TRPS1: variants seen among roughly 807,000 people sequenced by gnomAD.
TRPS1 encodes transcriptional repressor GATA binding 1.
TRPS1 carries 6 observed loss-of-function variants against 101.2 expected under a neutral mutation model. That is an observed-to-expected ratio of 0.06 (90% confidence interval 0.03 to 0.12). The LOEUF is 0.12. TRPS1 is among the 10% of genes least tolerant of loss of function. TRPS1 has a pLI of 1.00. For synonymous variants in TRPS1, 578 were observed against 589.8 expected (o/e 0.98, Z 0.29); for missense variants, 1,363 against 1,567.0 (o/e 0.87, Z 2.20).
At chr8:115,609,398 C>T (rs1233245311) in intron 3 of TRPS1, among the ~76,000 whole-genome samples, 2 of 152,210 alleles carry the variant, frequency 1.3e-5, no homozygotes, top group East Asian at 3.8e-4. Context: ...GATAATACTT[C>T]TGTTTATATT....
At chr8:115,648,916 G>A (rs1811494126) in intron 1 of TRPS1, among the ~76,000 whole-genome samples, 1 of 151,910 alleles carries the variant, frequency 6.6e-6, no homozygotes, top group South Asian at 2.1e-4. Flanking sequence ...ACTCCATGTG[G>A]AGCAGGGGTA....
intron 5 of TRPS1, among the ~76,000 whole-genome samples, chr8:115,528,022 C>G (rs917302861): frequency 5.9e-5 from 9 of 152,096 alleles, no homozygotes; most frequent in Admixed American, 2.0e-4. Context: ...TCATATATCC[C>G]AAATGGAGAA....
chr8:115,522,244 TC>T (rs1468445887), intron 5 of TRPS1, among the ~76,000 whole-genome samples: 1 of 151,958 alleles, frequency 6.6e-6, no homozygotes, highest in African/African-American at 2.4e-5. Flanking sequence ...AAGTGTAATA[TC>T]AATGAGTATG....
intron 5 of TRPS1, among the ~76,000 whole-genome samples, chr8:115,424,765 T>C (rs1382463484): frequency 6.6e-6 from 1 of 152,248 alleles, no homozygotes; most frequent in African/African-American, 2.4e-5. Context: ...TTCACATTAG[T>C]AATAATGTCC....
Position 115,619,229 on chromosome 8 carries a change from T to C in TRPS1, c.869A>G (p.Lys290Arg). The change falls in exon 3 of 7, where the codon AAA becomes AGA. Residue 290 changes from lysine (K) to arginine (R), a missense_variant. By Grantham distance (26) the Lys-to-Arg change is conservative. Coordinates refer to ENST00000395715, the MANE Select transcript of TRPS1 (RefSeq NM_014112.5). ...AGAACGGTTGACCTTCTGGAAGTCTTTGGAATGGCTGAACTGCACCATGTT... is the reference window on the plus strand; with the variant it reads ...AGAACGGTTGACCTTCTGGAAGTCTCTGGAATGGCTGAACTGCACCATGTT... The part of the protein sequence containing the change: ...LHNMVQFSHS[K>R]DFQKVNRSVF... 6.2e-7 allele frequency: 1 copy of C among 1,614,148 alleles called. No homozygotes were observed. Among genetic ancestry groups the C allele is most frequent in the African/African-American group, 1.3e-5 (1 of 75,040 alleles).
chr8:115,619,700 C>A lies in TRPS1; in HGVS notation c.398G>T (p.Gly133Val). ...MLAFSSPAAG[G>V]VCEPLKSPQR... ...CGGAGACTTCAAGGGCTCACAGACTCCCCCAGCAGCTGGAGATGAGAAAGC... is the reference window on the plus strand; with the variant it reads ...CGGAGACTTCAAGGGCTCACAGACTACCCCAGCAGCTGGAGATGAGAAAGC... The change falls in exon 3 of 7, where the codon GGA becomes GTA. Residue 133 changes from glycine (G) to valine (V), a missense_variant. Coordinates refer to ENST00000395715, the MANE Select transcript of TRPS1 (RefSeq NM_014112.5). 6.2e-7 allele frequency: 1 copy of A among 1,614,142 alleles called. No individual in the cohort carries two copies. Among genetic ancestry groups the A allele is most frequent in the Non-Finnish European group, 8.5e-7 (1 of 1,180,038 alleles).
intron 3 of TRPS1, among the ~76,000 whole-genome samples, chr8:115,614,208 G>A (rs962325035): frequency 1.3e-5 from 2 of 152,178 alleles, no homozygotes; most frequent in Non-Finnish European, 2.9e-5. Flanking sequence ...AGCAGAGCAG[G>A]CCATAGGAGA....
intron 5 of TRPS1, among the ~76,000 whole-genome samples, chr8:115,487,329 G>A (rs952644817): frequency 6.6e-6 from 1 of 152,142 alleles, no homozygotes; most frequent in Non-Finnish European, 1.5e-5. Flanking sequence ...AGCTCTGATG[G>A]ATATGTACAA....
At chr8:115,419,276 A>G (rs993171115) in intron 5 of TRPS1, among the ~76,000 whole-genome samples, 1 of 152,126 alleles carries the variant, frequency 6.6e-6, no homozygotes, top group African/African-American at 2.4e-5. Flanking sequence ...CATTCTTGCT[A>G]TCAAGTAATG....
chr8:115,643,048 G>A (rs62513312), intron 1 of TRPS1, among the ~76,000 whole-genome samples: 168 of 152,058 alleles, frequency 1.1e-3, no homozygotes, highest in Non-Finnish European at 2.2e-3. Context: ...TCTATTAAGT[G>A]GGCAATAGTA....
At chr8:115,576,150 G>A (rs1288097817) in intron 5 of TRPS1, among the ~76,000 whole-genome samples, 2 of 151,996 alleles carry the variant, frequency 1.3e-5, no homozygotes, top group Non-Finnish European at 2.9e-5. Flanking sequence ...CCAAAGAATG[G>A]GCTTTCTTGT....
chr8:115,634,646 C>A (rs139904762), intron 1 of TRPS1, among the ~76,000 whole-genome samples: 147 of 152,148 alleles, frequency 9.7e-4, no homozygotes, highest in Non-Finnish European at 1.5e-3. Flanking sequence ...GCCTGCAAAC[C>A]AGGGTGCTAT....
chr8:115,450,490 C>T (rs767894804), intron 5 of TRPS1, among the ~76,000 whole-genome samples: 2 of 152,002 alleles, frequency 1.3e-5, no homozygotes, highest in African/African-American at 4.8e-5. Flanking sequence ...ACCACTTAAA[C>T]GAAATCACTA....
intron 5 of TRPS1, among the ~76,000 whole-genome samples, chr8:115,458,475 G>A (rs1166049079): frequency 6.6e-6 from 1 of 152,134 alleles, no homozygotes; most frequent in Admixed American, 6.5e-5. Flanking sequence ...GTCATTCAGG[G>A]CGACTTCTGT....
intron 5 of TRPS1, among the ~76,000 whole-genome samples, chr8:115,541,517 T>A (rs1816453741): frequency 6.6e-6 from 1 of 152,222 alleles, no homozygotes; most frequent in South Asian, 2.1e-4. Flanking sequence ...ATATCCATAA[T>A]TTACTTGTGT....
intron 5 of TRPS1, among the ~76,000 whole-genome samples, chr8:115,467,030 C>T (rs1042594221): frequency 2.0e-5 from 3 of 151,932 alleles, no homozygotes; most frequent in Admixed American, 1.3e-4. Context: ...ATGGTTGGTA[C>T]GATCTCACCA....
intron 5 of TRPS1, among the ~76,000 whole-genome samples, chr8:115,468,977 C>T (rs922882829): frequency 1.3e-5 from 2 of 151,758 alleles, no homozygotes; most frequent in African/African-American, 4.8e-5. Flanking sequence ...CCTGTCTCTA[C>T]AAAACTAATT....
At chr8:115,461,326 T>A (rs564439734) in intron 5 of TRPS1, among the ~76,000 whole-genome samples, 2 of 152,042 alleles carry the variant, frequency 1.3e-5, no homozygotes, top group South Asian at 4.2e-4. Context: ...CATACATACA[T>A]ACATACATAC....
intron 5 of TRPS1, among the ~76,000 whole-genome samples, chr8:115,584,307 T>A (rs754842971): frequency 6.6e-6 from 1 of 152,002 alleles, no homozygotes; most frequent in Non-Finnish European, 1.5e-5. Flanking sequence ...GCTCTATTAA[T>A]GCTATATTGA....
Sources: allele counts gnomAD v4.1 joint callset (sites outside exome capture counted in the v4.1 genomes callset), GRCh38; gene constraint gnomAD v4.1.1; transcripts MANE v1.5; gene names NCBI Gene and HGNC (gene_info 2026-07-23, HGNC 2026-07-21).